The following IKZF5 variants were observed in gnomAD, a reference collection of about 807,000 sequenced individuals.
IKZF5 encodes IKAROS family zinc finger 5, also known as zinc finger protein Pegasus.
In IKZF5, 4 loss-of-function variants were observed where a neutral mutation model predicts 30.7. The observed-to-expected ratio is 0.13, with a 90% CI of 0.06 to 0.30. IKZF5 has a LOEUF of 0.30. Among genes scored for constraint, IKZF5 ranks in the 10% least tolerant of loss-of-function variants. IKZF5 has a pLI of 1.00. For missense variants in IKZF5, 348 were observed against 525.5 expected, an observed-to-expected ratio of 0.66 and a Z score of 3.30; for synonymous variants, 148 against 179.6, an observed-to-expected ratio of 0.82 and a Z score of 1.41.
At position 122,994,218 on chromosome 10, in the gene IKZF5, G is replaced by A. The variant is rs17852102; in HGVS notation, c.822C>T (p.Ser274=). ...CATCAGGGCAGGGAACTACATCAGG[G>A]GATGCAGGGTTTTGGTTTTCGGGTG... ...SLPPENQNPA[S]PDVVPCPDEK... The change falls in exon 5 of 5, where the codon TCC becomes TCT. Residue 274 remains serine, a synonymous_variant. Transcript: ENST00000368886. The surrounding 1 kb of genome is among the most constrained non-coding windows in gnomAD (Gnocchi z 5.6). The A allele has an allele frequency of 4.3e-6, 7 of 1,614,100 alleles. No individual in the cohort carries two copies. Among genetic ancestry groups the A allele is most frequent in the Non-Finnish European group, 5.9e-6 (7 of 1,180,020 alleles).
At chr10:122,995,961 C>T (rs1388170718) in intron 4 of IKZF5, 33 bp downstream of exon 4, 1 of 1,606,112 alleles carries the variant, frequency 6.2e-7, no homozygotes, top group East Asian at 2.2e-5. Flanking sequence ...CCTGCCCTCA[C>T]AGAAATGCTT....
At position 123,007,174 on chromosome 10, in the gene IKZF5, G is replaced by A. The variant is rs545420639; in HGVS notation, c.-195C>T. Reference sequence around the variant, plus strand: ...AACTAAAATTGAAAAGCCATACAGAGGTCTGCATAAAAAACAAACAGCACA... The same window carrying A: ...AACTAAAATTGAAAAGCCATACAGAAGTCTGCATAAAAAACAAACAGCACA... On this transcript the variant is annotated splice_region_variant and 5_prime_UTR_variant, in exon 2 of 5. Transcript: ENST00000368886. 6.6e-6 allele frequency: 1 copy of A among 152,192 alleles called. No homozygotes were observed. Among genetic ancestry groups the A allele is most frequent in the African/African-American group, 2.4e-5 (1 of 41,526 alleles). 9.4% of individuals were successfully genotyped at this position (152,192 alleles called of 1,614,324 possible). A position where few individuals can be genotyped will look rare whatever the true frequency, so the allele number is the denominator to read the frequency against.
At position 122,991,458 on chromosome 10, in the gene IKZF5, T is replaced by C. The variant is rs1159169513; in HGVS notation, c.*2322A>G. 3 of 152,216 alleles carry C rather than the reference T, an allele frequency of 2.0e-5. No individual in the cohort carries two copies. Among genetic ancestry groups the C allele is most frequent in the African/African-American group, 7.2e-5 (3 of 41,462 alleles). The allele number at this position is 152,216 out of a possible 1,614,324, so 9.4% of individuals were successfully genotyped here. The stretch of plus-strand genomic sequence containing the variant: ...ACGGCAAAGTACTATAAATAGTGCA[T>C]GTTAAACTCTTCCCAACAACTCATT... On this transcript the variant is annotated 3_prime_UTR_variant, in exon 5 of 5. Coordinates refer to ENST00000368886, the MANE Select transcript of IKZF5 (RefSeq NM_001372123.1).
rs1006321228 is a variant in IKZF5 at position 123,005,360 on chromosome 10, C to T, written c.-47+1666G>A. ...AACAAAATATACTTTAGAAAATCCA[C>T]AAGCTATAATTTTTTTAGTGGTATC... On this transcript the variant is annotated intron_variant, in intron 2 of 4. Transcript: ENST00000368886. Among the ~76,000 whole-genome samples, 4 of 152,290 alleles carry T rather than the reference C, an allele frequency of 2.6e-5. 1 individual carries two copies. Among genetic ancestry groups the T allele is most frequent in the Non-Finnish European group, 5.9e-5 (4 of 68,014 alleles).
At chr10:122,999,753 A>G (rs913812225) in intron 2 of IKZF5, among the ~76,000 whole-genome samples, 3 of 152,236 alleles carry the variant, frequency 2.0e-5, no homozygotes, top group Admixed American at 2.0e-4. Flanking sequence ...AGAAAGGGAA[A>G]GTCTCTTGTG....
intron 3 of IKZF5, among the ~76,000 whole-genome samples, chr10:122,996,419 G>C (rs1386001114): frequency 6.6e-6 from 1 of 152,056 alleles, no homozygotes; most frequent in African/African-American, 2.4e-5. Context: ...GGCCAGTGCA[G>C]TGGCTCATAC....
chr10:123,005,553 A>T (rs1564741341), intron 2 of IKZF5, among the ~76,000 whole-genome samples: 1 of 152,138 alleles, frequency 6.6e-6, no homozygotes, highest in Non-Finnish European at 1.5e-5. Flanking sequence ...ACTCAGATGT[A>T]CTCTTTCTGC....
intron 2 of IKZF5, among the ~76,000 whole-genome samples, chr10:123,000,337 TTGTC>T (rs779488230): frequency 6.6e-6 from 1 of 152,226 alleles, no homozygotes; most frequent in Non-Finnish European, 1.5e-5. Context: ...CTATGAACCT[TTGTC>T]TGGCTTCTGT....
chr10:122,993,617 TG>T lies in IKZF5; in HGVS notation c.*162del. On this transcript the variant is annotated 3_prime_UTR_variant, in exon 5 of 5. Coordinates refer to ENST00000368886, the MANE Select transcript of IKZF5 (RefSeq NM_001372123.1). ...ATAAATGACCCTGACCAGATTTTTA[TG>T]AAAAAAAGGGGAAATTTTATTCCAC... The T allele has an allele frequency of 2.0e-6, 1 of 504,558 alleles. No homozygotes were observed. Among genetic ancestry groups the T allele is most frequent in the Middle Eastern group, 5.2e-4 (1 of 1,926 alleles). The allele number at this position is 504,558 out of a possible 1,614,324, so 31.3% of individuals were successfully genotyped here. A position where few individuals can be genotyped will look rare whatever the true frequency, so the allele number is the denominator to read the frequency against.
At chr10:123,001,535 T>C (rs1849586209) in intron 2 of IKZF5, among the ~76,000 whole-genome samples, 1 of 152,200 alleles carries the variant, frequency 6.6e-6, no homozygotes, top group South Asian at 2.1e-4. Context: ...AGTCAAAGCA[T>C]ACTTTTTTCC....
intron 2 of IKZF5, among the ~76,000 whole-genome samples, chr10:123,000,941 T>A (rs1400368659): frequency 6.7e-6 from 1 of 150,042 alleles, no homozygotes; most frequent in Admixed American, 6.7e-5. Context: ...TTATAATGAG[T>A]CCTTTATTAG....
intron 2 of IKZF5, among the ~76,000 whole-genome samples, chr10:123,004,775 T>A (rs1849721960): frequency 6.6e-6 from 1 of 152,156 alleles, no homozygotes; most frequent in African/African-American, 2.4e-5. Flanking sequence ...TTAGGTGTCA[T>A]TTCGTCCCTA....
intron 3 of IKZF5, 48 bp from the exon 4 acceptor site, chr10:122,996,224 CA>C: frequency 6.6e-7 from 1 of 1,504,974 alleles, no homozygotes; most frequent in Non-Finnish European, 9.1e-7. Context: ...AGAATCAACT[CA>C]ATTTAGCATT....
rs1038468944 is a variant in IKZF5 at position 122,993,127 on chromosome 10, A to G, written c.*653T>C. On this transcript the variant is annotated 3_prime_UTR_variant, in exon 5 of 5. Transcript: ENST00000368886. ...AATAAAAATCCAGTGGAAAACTGAC[A>G]TGTGTTTAGACATTGAATAAACAAG... The G allele has an allele frequency of 6.6e-6, 1 of 152,466 alleles. No homozygotes were observed. The highest frequency in any genetic ancestry group is 2.4e-5 in the African/African-American group (1 of 41,590). The allele number at this position is 152,466 out of a possible 1,614,324, so 9.4% of individuals were successfully genotyped here.
intron 2 of IKZF5, among the ~76,000 whole-genome samples, chr10:123,006,384 A>G (rs1849783446): frequency 6.6e-6 from 1 of 152,168 alleles, no homozygotes; most frequent in Non-Finnish European, 1.5e-5. Flanking sequence ...AAGCACACAC[A>G]CACAATTACA....
At position 122,994,757 on chromosome 10, in the gene IKZF5, A is replaced by T; in HGVS notation, c.317-34T>A. On this transcript the variant is annotated intron_variant, in intron 4 of 4. Transcript: ENST00000368886. The surrounding 1 kb of genome is among the most constrained non-coding windows in gnomAD (Gnocchi z 5.6). ...AAAGAAAAATGATGGAGAAACTACA[A>T]GAGTAGTTCATTTATGGAAAGTTTT... is the stretch of plus-strand genomic sequence containing the variant. The T allele has an allele frequency of 2.0e-6, 3 of 1,487,328 alleles. No individual in the cohort carries two copies. Among genetic ancestry groups the T allele is most frequent in the Middle Eastern group, 1.8e-4 (1 of 5,628 alleles). The allele number at this position is 1,487,328 out of a possible 1,614,324, so 92.1% of individuals were successfully genotyped here.
At chr10:123,007,652 C>A (rs999235662) in intron 1 of IKZF5, among the ~76,000 whole-genome samples, 1 of 152,158 alleles carries the variant, frequency 6.6e-6, no homozygotes, top group African/African-American at 2.4e-5. Flanking sequence ...TCCTTCTTAT[C>A]CTATCATAAC....
intron 1 of IKZF5, among the ~76,000 whole-genome samples, chr10:123,008,182 AG>A (rs1849883760): frequency 6.6e-6 from 1 of 152,218 alleles, no homozygotes; most frequent in Non-Finnish European, 1.5e-5. Flanking sequence ...GGATCCGGGC[AG>A]GATCATTAGA....
At position 123,008,747 on chromosome 10, in the gene IKZF5, C is replaced by CCGCCGCCGTCTTCGTCACCGT. The variant is rs1849930040; in HGVS notation, c.-272_-252dup. ...ACCGCCTTGTTAAATGCCGTCGCCG[C>CCGCCGCCGTCTTCGTCACCGT]CGCCGCCGTCTTCGTCACCGTCACA... is the stretch of plus-strand genomic sequence containing the variant. On this transcript the variant is annotated 5_prime_UTR_variant, in exon 1 of 5. Transcript: ENST00000368886. 2 of 592,180 alleles carry CCGCCGCCGTCTTCGTCACCGT rather than the reference C, an allele frequency of 3.4e-6. No individual in the cohort carries two copies. Among genetic ancestry groups the CCGCCGCCGTCTTCGTCACCGT allele is most frequent in the Non-Finnish European group, 6.0e-6 (2 of 331,338 alleles). The allele number at this position is 592,180 out of a possible 1,614,324, so 36.7% of individuals were successfully genotyped here.
Sources: gnomAD v4.1 joint callset for allele counts (sites outside exome capture counted in the v4.1 genomes callset) on GRCh38, gnomAD v4.1.1 for gene constraint, Gnocchi (gnomAD v3.1) non-coding constraint, MANE v1.5 for transcripts, NCBI Gene and HGNC (gene_info 2026-07-23, HGNC 2026-07-21) for gene names.